NOL4L: variants seen among roughly 807,000 people sequenced by gnomAD.
NOL4L encodes the protein nucleolar protein 4-like.
Under a neutral mutation model 64.5 loss-of-function variants are expected in NOL4L, and 7 were observed. The ratio of observed to expected loss-of-function variants is 0.11; its 90% CI spans 0.06 to 0.20. The LOEUF (loss-of-function observed/expected upper bound fraction) is 0.20. Among genes scored for constraint, NOL4L ranks in the 10% least tolerant of loss-of-function variants. The pLI is 1.00. For synonymous variants in NOL4L, 413 were observed against 401.0 expected (o/e 1.03, Z -0.36); for missense variants, 680 against 967.1 (o/e 0.70, Z 3.94).
At chr20:32,542,054 G>A (rs891835243) in intron 1 of NOL4L, among the ~76,000 whole-genome samples, 16 of 152,200 alleles carry the variant, frequency 1.1e-4, no homozygotes, top group Admixed American at 7.2e-4. Context: ...GGTGGGGGGC[G>A]CTAAGCCCAG....
At chr20:32,468,744 CA>C (rs1401202210) in intron 5 of NOL4L, among the ~76,000 whole-genome samples, 1 of 151,720 alleles carries the variant, frequency 6.6e-6, no homozygotes, top group Admixed American at 6.6e-5. Context: ...ACTAAAAATA[CA>C]AAAATTAGCC....
Position 32,446,039 on chromosome 20 carries a change from G to T in NOL4L, c.*1557C>A, listed in dbSNP as rs1473455563. 1 of 152,178 alleles carries T rather than the reference G, an allele frequency of 6.6e-6. No homozygotes were observed. Among genetic ancestry groups the T allele is most frequent in the East Asian group, 1.9e-4 (1 of 5,148 alleles). The allele number at this position is 152,178 out of a possible 1,614,324, so 9.4% of individuals were successfully genotyped here. A position where few individuals can be genotyped will look rare whatever the true frequency, so the allele number is the denominator to read the frequency against. ...ATCCACTCGGCCCTGGCTCCCCTGG[G>T]GCCTCTCTGCTCTGAGGGAGGAAAG... On this transcript the variant is annotated 3_prime_UTR_variant, in exon 11 of 11. Transcript: ENST00000621426.
At chr20:32,506,039 A>G (rs1156431865) in intron 4 of NOL4L, among the ~76,000 whole-genome samples, 6 of 152,220 alleles carry the variant, frequency 3.9e-5, no homozygotes, top group Admixed American at 3.3e-4. Context: ...AAAATGGCAC[A>G]TTTTAGGTTT....
intron 4 of NOL4L, among the ~76,000 whole-genome samples, chr20:32,478,242 TACACACACAC>T (rs553898145): frequency 2.1e-5 from 3 of 145,158 alleles, no homozygotes; most frequent in Non-Finnish European, 4.5e-5. Context: ...AGGCTATATT[TACACACACAC>T]ACACACACAC....
intron 4 of NOL4L, among the ~76,000 whole-genome samples, chr20:32,492,269 G>A (rs2016497583): frequency 6.6e-6 from 1 of 152,184 alleles, no homozygotes; most frequent in Non-Finnish European, 1.5e-5. Flanking sequence ...ACAAACTACT[G>A]ACGCATGCCA....
At chr20:32,483,852 G>A (rs1568641221) in intron 4 of NOL4L, among the ~76,000 whole-genome samples, 1 of 135,078 alleles carries the variant, frequency 7.4e-6, no homozygotes, top group East Asian at 2.7e-4. Context: ...AGGAAGGAGG[G>A]GGAGCTGGGC....
rs1189866119 is a variant in NOL4L, at chr20:32,578,147, G to GGAGGGAGGGAGT, written c.321+6422_321+6423insACTCCCTCCCTC. On this transcript the variant is annotated intron_variant, in intron 1 of 10. Coordinates refer to ENST00000621426, the MANE Select transcript of NOL4L (RefSeq NM_001256798.2). ...AGGAAGGAAGGAAGGAAGGAGGGAGGGAGGGAGGGAGGGAGGGAGGGAGGG... is the reference window on the plus strand; with the variant it reads ...AGGAAGGAAGGAAGGAAGGAGGGAGGGAGGGAGGGAGTGAGGGAGGGAGGGAGGGAGGGAGGG... 1.6e-3 allele frequency among the ~76,000 whole-genome samples: 185 copies of GGAGGGAGGGAGT among 119,126 alleles called. 2 individuals carry two copies. Among genetic ancestry groups the GGAGGGAGGGAGT allele is most frequent in the African/African-American group, 6.9e-3 (171 of 24,900 alleles). The allele number at this position is 119,126 out of a possible 152,430, so 78.2% of individuals were successfully genotyped here.
intron 4 of NOL4L, among the ~76,000 whole-genome samples, chr20:32,488,819 TTCTTTCTTTTTCTTTC>T (rs1250902194): frequency 5.6e-4 from 10 of 17,990 alleles, no homozygotes; most frequent in Non-Finnish European, 7.4e-4. Context: ...CTTTCTTTCT[TTCTTTCTTTTTCTTTC>T]TTTCTTTCTT....
At chr20:32,514,880 A>G (rs1369426926) in intron 3 of NOL4L, among the ~76,000 whole-genome samples, 1 of 152,008 alleles carries the variant, frequency 6.6e-6, no homozygotes, top group Non-Finnish European at 1.5e-5. Context: ...GTTAAGCACC[A>G]TGGTGAGTGT....
At chr20:32,523,658 A>G (rs2018023418) in intron 2 of NOL4L, among the ~76,000 whole-genome samples, 1 of 152,224 alleles carries the variant, frequency 6.6e-6, no homozygotes, top group Non-Finnish European at 1.5e-5. Context: ...AAACAGATAA[A>G]GACAGAGCTG....
chr20:32,546,310 G>A (rs2018733250), intron 1 of NOL4L, among the ~76,000 whole-genome samples: 1 of 149,194 alleles, frequency 6.7e-6, no homozygotes, highest in Non-Finnish European at 1.5e-5. Flanking sequence ...GTGCAATGGC[G>A]CGATCTCAGC....
intron 1 of NOL4L, among the ~76,000 whole-genome samples, chr20:32,551,035 G>T (rs1385975453): frequency 6.6e-6 from 1 of 151,996 alleles, no homozygotes; most frequent in Non-Finnish European, 1.5e-5. Flanking sequence ...TAGCCTGGGA[G>T]ACAGAGCAAG....
chr20:32,576,803 A>C (rs1227484432), intron 1 of NOL4L, among the ~76,000 whole-genome samples: 1 of 152,212 alleles, frequency 6.6e-6, no homozygotes, highest in Non-Finnish European at 1.5e-5. Flanking sequence ...GAGAGGCAGC[A>C]GGGGCATCCG....
chr20:32,458,246 C>T (rs1378737928), intron 5 of NOL4L, among the ~76,000 whole-genome samples: 1 of 152,226 alleles, frequency 6.6e-6, no homozygotes, highest in Non-Finnish European at 1.5e-5. Flanking sequence ...AGTCCCCCAG[C>T]CCAGCCTCAC....
chr20:32,478,252 C>T (rs1045354516), intron 4 of NOL4L, among the ~76,000 whole-genome samples: 3 of 126,544 alleles, frequency 2.4e-5, no homozygotes, highest in Non-Finnish European at 3.4e-5. Context: ...TACACACACA[C>T]ACACACACAC....
In NOL4L at chr20:32,456,275, G is replaced by A. The variant is rs747247963; in HGVS notation, c.962C>T (p.Pro321Leu). ...PEMNGNGAVA[P>L]MDFTTAAEDQ... The stretch of plus-strand genomic sequence containing the variant: ...CTCGGCGGCCGTGGTGAAGTCCATG[G>A]GGGCCACGGCGCCGTTGCCATTCAT... Residue 321 changes from proline to leucine, a missense_variant, in exon 6 of 11, where the codon CCC becomes CTC. Coordinates refer to ENST00000621426, the MANE Select transcript of NOL4L (RefSeq NM_001256798.2). 1 of 1,596,170 alleles carries A rather than the reference G, an allele frequency of 6.3e-7. No homozygotes were observed. The highest frequency in any genetic ancestry group is 8.5e-7 in the Non-Finnish European group (1 of 1,171,658).
chr20:32,556,107 C>G (rs187342317), intron 1 of NOL4L, among the ~76,000 whole-genome samples: 7 of 152,208 alleles, frequency 4.6e-5, no homozygotes, highest in East Asian at 1.9e-4. Context: ...GTAGGCCCCC[C>G]CTAAATACAT....
In NOL4L at chr20:32,447,710, G is replaced by A. The variant is rs1477348724; in HGVS notation, c.1929C>T (p.Leu643=). The stretch of plus-strand genomic sequence containing the variant: ...GCACGGCGCTGATCTCCGTGGGGCT[G>A]AGCTGAGCGGTGGGCACGGGCCTGC... The part of the protein sequence containing the change: ...STSRPVPTAQ[L]SPTEISAVRQ... The change falls in exon 11 of 11, where the codon CTC becomes CTT. Residue 643 remains leucine, a synonymous_variant. Coordinates refer to ENST00000621426, the MANE Select transcript of NOL4L (RefSeq NM_001256798.2). 6.8e-6 allele frequency: 11 copies of A among 1,611,238 alleles called. No individual in the cohort carries two copies. In the Admixed American group the frequency reaches 1.2e-4, roughly 17 times the overall value.
At chr20:32,508,788 C>T (rs982557186) in intron 4 of NOL4L, among the ~76,000 whole-genome samples, 1 of 152,190 alleles carries the variant, frequency 6.6e-6, no homozygotes, top group African/African-American at 2.4e-5. Context: ...AGAGCCTCAC[C>T]AGGGCAATTC....
Sources: gnomAD v4.1 joint callset for allele counts (sites outside exome capture counted in the v4.1 genomes callset) on GRCh38, gnomAD v4.1.1 for gene constraint, MANE v1.5 for transcripts, NCBI Gene and HGNC (gene_info 2026-07-23, HGNC 2026-07-21) for gene names.